Variants in NBEAL1 observed in about 807,000 individuals in gnomAD.
NBEAL1 encodes the protein neurobeachin like 1.
Under a neutral mutation model 351.3 loss-of-function variants are expected in NBEAL1, and 273 were observed. The observed-to-expected ratio is 0.78, with a 90% confidence interval of 0.70 to 0.86. The LOEUF (loss-of-function observed/expected upper bound fraction) is 0.86, where lower values mean the gene tolerates loss of function less well. Among genes scored for constraint, NBEAL1 ranks in the 40% least tolerant of loss-of-function variants. NBEAL1 has a pLI of 0.00. For synonymous variants in NBEAL1, 1,050 were observed against 1,086.4 expected (o/e 0.97, Z 0.66); for missense variants, 2,961 against 3,201.3 (o/e 0.92, Z 1.81).
chr2:203,039,189 T>TCTTTCCTTTC (rs1313349603), intron 2 of NBEAL1, among the ~76,000 whole-genome samples: 2 of 116,082 alleles, frequency 1.7e-5, no homozygotes, highest in African/African-American at 5.9e-5. Flanking sequence ...CCTTTCCTTT[T>TCTTTCCTTTC]CTTTCCTTTC....
At chr2:203,111,876 G>T in intron 15 of NBEAL1, 103 bp from the exon 16 acceptor site, 1 of 1,281,744 alleles carries the variant, frequency 7.8e-7, no homozygotes, top group Non-Finnish European at 1.1e-6. Flanking sequence ...TAATCTTAAC[G>T]TTCTACTATT....
At chr2:203,215,154 C>T (rs530786735) in intron 55 of NBEAL1, among the ~76,000 whole-genome samples, 1 of 151,844 alleles carries the variant, frequency 6.6e-6, no homozygotes, top group African/African-American at 2.4e-5. Context: ...TCAAGACATC[C>T]AGGCCATCTC....
intron 3 of NBEAL1, among the ~76,000 whole-genome samples, chr2:203,046,986 C>A (rs746593690): frequency 6.6e-6 from 1 of 152,060 alleles, no homozygotes. Flanking sequence ...ACCTGCCTGA[C>A]CAACATGGAG....
intron 10 of NBEAL1, among the ~76,000 whole-genome samples, chr2:203,089,195 T>A (rs1232872507): frequency 6.6e-6 from 1 of 151,782 alleles, no homozygotes; most frequent in East Asian, 1.9e-4. Flanking sequence ...CCTGTCTCTA[T>A]TAAAAATACA....
At chr2:203,028,178 G>T (rs1386815120) in intron 2 of NBEAL1, among the ~76,000 whole-genome samples, 1 of 151,466 alleles carries the variant, frequency 6.6e-6, no homozygotes, top group Admixed American at 6.6e-5. Context: ...CACTGAGCCT[G>T]GCCCAATTTT....
At chr2:203,065,721 CAGCCTGGGCGACAG>C (rs1365502903) in intron 6 of NBEAL1, among the ~76,000 whole-genome samples, 3 of 151,876 alleles carry the variant, frequency 2.0e-5, no homozygotes, top group Non-Finnish European at 4.4e-5. Flanking sequence ...CACTGCACTC[CAGCCTGGGCGACAG>C]AGTGAGACTC....
At position 203,197,298 on chromosome 2, in the gene NBEAL1, A is replaced by G. The variant is rs1188648574; in HGVS notation, c.7039-4A>G. The G allele has an allele frequency of 1.3e-6, 2 of 1,530,170 alleles. No individual in the cohort carries two copies. Among genetic ancestry groups the G allele is most frequent in the Non-Finnish European group, 1.8e-6 (2 of 1,105,384 alleles). The allele number at this position is 1,530,170 out of a possible 1,614,324, so 94.8% of individuals were successfully genotyped here. ...CCAGCCACTAAACCTCTTTTATTTT[A>G]TAGGGGATTAGTGATGGTATTCCAC... On this transcript the variant is annotated splice_region_variant and splice_polypyrimidine_tract_variant and intron_variant, in intron 47 of 55. Coordinates refer to ENST00000683969, the MANE Select transcript of NBEAL1 (RefSeq NM_001378026.1).
rs1243414962 is a variant in NBEAL1 at position 203,113,170 on chromosome 2, AAAATCAAAATTGATTACC to A, written c.2363_2380del (p.Ser788_Lys793del). 6.4e-7 allele frequency: 1 copy of A among 1,552,396 alleles called. No individual in the cohort carries two copies. Among genetic ancestry groups the A allele is most frequent in the East Asian group, 2.4e-5 (1 of 41,332 alleles). ...CAGCCTCCTGGGGAGGAACAATTGA[AAAATCAAAATTGATTACC>A]AAATTGATATCAGCTGGAACCCAAG... On this transcript the variant is annotated inframe_deletion, in exon 17 of 56. Coordinates refer to ENST00000683969, the MANE Select transcript of NBEAL1 (RefSeq NM_001378026.1).
intron 10 of NBEAL1, chr2:203,085,501 T>A (rs1253248917): frequency 6.6e-6 from 1 of 152,254 alleles, no homozygotes; most frequent in Non-Finnish European, 1.5e-5. Flanking sequence ...TCATAATGAC[T>A]ACTTTATAAA....
At chr2:203,100,548 C>CTTTTT (rs201429973) in intron 12 of NBEAL1, among the ~76,000 whole-genome samples, 3 of 137,320 alleles carry the variant, frequency 2.2e-5, no homozygotes, top group African/African-American at 5.4e-5. Flanking sequence ...GTTTTCTTTT[C>CTTTTT]TTTTTTTTTT....
chr2:203,020,359 G>A (rs565237720), intron 2 of NBEAL1, among the ~76,000 whole-genome samples: 17 of 152,272 alleles, frequency 1.1e-4, no homozygotes, highest in African/African-American at 4.1e-4. Context: ...TTTCACCAGT[G>A]TATAAGACTA....
rs2065969414 is a variant in NBEAL1 at position 203,223,245 on chromosome 2, T to G, written c.*5891T>G. Reference sequence around the variant, plus strand: ...TCTTAATGCCCATAATCTTATGAACTGAAAATTCAGAAGGAAAAGAACAAA... The same window carrying G: ...TCTTAATGCCCATAATCTTATGAACGGAAAATTCAGAAGGAAAAGAACAAA... On this transcript the variant is annotated 3_prime_UTR_variant, in exon 56 of 56. Coordinates refer to ENST00000683969, the MANE Select transcript of NBEAL1 (RefSeq NM_001378026.1). Among the ~76,000 whole-genome samples, 2 of 152,150 alleles carry G rather than the reference T, an allele frequency of 1.3e-5. No individual in the cohort carries two copies. The highest frequency in any genetic ancestry group is 4.8e-5 in the African/African-American group (2 of 41,454).
At chr2:203,112,356 A>G (rs2106245430) in intron 16 of NBEAL1, among the ~76,000 whole-genome samples, 1 of 152,380 alleles carries the variant, frequency 6.6e-6, no homozygotes, top group East Asian at 1.9e-4. Flanking sequence ...CAGGAAAGCC[A>G]AAGAAATGAA....
chr2:203,037,639 T>C (rs567607697), intron 2 of NBEAL1, among the ~76,000 whole-genome samples: 3 of 148,972 alleles, frequency 2.0e-5, no homozygotes, highest in Non-Finnish European at 3.0e-5. Flanking sequence ...CCATGTTGTC[T>C]AATTTCTGTT....
rs138360167 is a variant in NBEAL1 at position 203,022,760 on chromosome 2, A to G, written c.51+6325A>G. ...TTCTCTTACTATTTTATCAGTAGTAATGAAGCTGTATTCATTAATGTCTTA... is the reference window on the plus strand; with the variant it reads ...TTCTCTTACTATTTTATCAGTAGTAGTGAAGCTGTATTCATTAATGTCTTA... On this transcript the variant is annotated intron_variant, in intron 2 of 55. Transcript: ENST00000683969. 3.5e-4 allele frequency among the ~76,000 whole-genome samples: 53 copies of G among 152,290 alleles called. No homozygotes were observed. In the East Asian group the frequency reaches 6.2e-3, roughly 18 times the overall value.
intron 43 of NBEAL1, chr2:203,182,559 G>T (rs142982291): frequency 6.6e-6 from 1 of 152,156 alleles, no homozygotes; most frequent in African/African-American, 2.4e-5. Flanking sequence ...GGTGGGCAAC[G>T]AATAACATCT....
Position 203,217,669 on chromosome 2 carries a change from A to G in NBEAL1, c.*315A>G. The G allele has an allele frequency of 2.1e-6, 2 of 962,632 alleles. No homozygotes were observed. Among genetic ancestry groups the G allele is most frequent in the Non-Finnish European group, 2.5e-6 (2 of 804,478 alleles). The allele number at this position is 962,632 out of a possible 1,614,324, so 59.6% of individuals were successfully genotyped here. A position where few individuals can be genotyped will look rare whatever the true frequency, so the allele number is the denominator to read the frequency against. On this transcript the variant is annotated 3_prime_UTR_variant, in exon 56 of 56. Coordinates refer to ENST00000683969, the MANE Select transcript of NBEAL1 (RefSeq NM_001378026.1). Reference sequence around the variant, plus strand: ...ATAAAATTTAAGATTTTTCTAATAAAAGAGTACAGATAATGGGACAGTTGA... The same window carrying G: ...ATAAAATTTAAGATTTTTCTAATAAGAGAGTACAGATAATGGGACAGTTGA...
chr2:203,081,730 A>G (rs1017450967), intron 8 of NBEAL1, among the ~76,000 whole-genome samples: 1 of 152,192 alleles, frequency 6.6e-6, no homozygotes, highest in Non-Finnish European at 1.5e-5. Flanking sequence ...AGTTCTGGCC[A>G]TTATGTTCAC....
chr2:203,135,803 C>G lies in NBEAL1; in HGVS notation c.3940C>G (p.His1314Asp), dbSNP rs770989428. 1 of 1,613,120 alleles carries G rather than the reference C, an allele frequency of 6.2e-7. No individual in the cohort carries two copies. The highest frequency in any genetic ancestry group is 8.5e-7 in the Non-Finnish European group (1 of 1,179,558). ...KFENGNTLHK[H>D]SRAVLMKDND... ...TGAAAACGGAAATACTCTTCATAAGCACAGTAGAGCTGTTTTAATGAAAGA... is the reference window on the plus strand; with the variant it reads ...TGAAAACGGAAATACTCTTCATAAGGACAGTAGAGCTGTTTTAATGAAAGA... The change falls in exon 28 of 56, where the codon CAC becomes GAC. Residue 1314 changes from histidine (H) to aspartate (D), a missense_variant. Coordinates refer to ENST00000683969, the MANE Select transcript of NBEAL1 (RefSeq NM_001378026.1).
Sources: gnomAD v4.1 joint callset for allele counts (sites outside exome capture counted in the v4.1 genomes callset) on GRCh38, gnomAD v4.1.1 for gene constraint, MANE v1.5 for transcripts, NCBI Gene and HGNC (gene_info 2026-07-23, HGNC 2026-07-21) for gene names.